WDFY3: variants seen among roughly 807,000 people sequenced by gnomAD.
WDFY3 encodes the protein WD repeat and FYVE domain containing 3.
In WDFY3, 66 loss-of-function variants were observed where a neutral mutation model predicts 409.6. The observed-to-expected ratio is 0.16, with a 90% CI of 0.13 to 0.20. The LOEUF (loss-of-function observed/expected upper bound fraction) is 0.20. WDFY3 is among the 10% of genes least tolerant of loss of function. The probability of loss-of-function intolerance (pLI) is 1.00; values close to 1 mark genes in which losing one functional copy is unlikely to be tolerated. For missense variants in WDFY3, 3,031 were observed against 4,298.1 expected (o/e 0.71, Z 8.24); for synonymous variants, 1,521 against 1,537.1 (o/e 0.99, Z 0.25).
intron 3 of WDFY3, among the ~76,000 whole-genome samples, chr4:84,882,219 G>A (rs935498110): frequency 1.3e-5 from 2 of 152,066 alleles, no homozygotes; most frequent in South Asian, 2.1e-4. Context: ...ATTCTAGTTT[G>A]GTCCCATTTG....
chr4:84,678,202 G>A lies in WDFY3; in HGVS notation c.10225C>T (p.His3409Tyr), dbSNP rs1295788480. The change falls in exon 66 of 68, where the codon CAC becomes TAC. Residue 3409 changes from histidine to tyrosine, a missense_variant. Physicochemically the swap from His to Tyr is moderately conservative, Grantham distance 83. Transcript: ENST00000295888. Reference protein sequence around the residue: ...HTAFDRKDNAHPAEVTALGIS... With the variant: ...HTAFDRKDNAYPAEVTALGIS... The stretch of plus-strand genomic sequence containing the variant: ...CCCAAGGCAGTGACCTCAGCTGGGT[G>A]TGCATTGTCCTTTCGATCAAAGGCT... 5.0e-6 allele frequency: 8 copies of A among 1,614,122 alleles called. No individual in the cohort carries two copies. The highest frequency in any genetic ancestry group is 6.8e-6 in the Non-Finnish European group (8 of 1,180,006).
chr4:84,778,436 T>C, intron 27 of WDFY3, 67 bp downstream of exon 27: 1 of 1,356,838 alleles, frequency 7.4e-7, no homozygotes, highest in Non-Finnish European at 9.7e-7. Flanking sequence ...ATAAAATAGT[T>C]TATAATCATA....
At chr4:84,884,868 C>T (rs1763983529) in intron 3 of WDFY3, among the ~76,000 whole-genome samples, 1 of 152,250 alleles carries the variant, frequency 6.6e-6, no homozygotes, top group Admixed American at 6.5e-5. Flanking sequence ...GAGAAACTAA[C>T]TCACTAATTT....
At chr4:84,708,011 T>G (rs1732265863) in intron 53 of WDFY3, among the ~76,000 whole-genome samples, 1 of 152,214 alleles carries the variant, frequency 6.6e-6, no homozygotes. Context: ...TTCACTGAAT[T>G]TCTGAATTTT....
chr4:84,873,664 GA>G (rs912715599), intron 3 of WDFY3, among the ~76,000 whole-genome samples: 49 of 152,032 alleles, frequency 3.2e-4, no homozygotes, highest in Non-Finnish European at 1.5e-4. Context: ...TATTGAAACT[GA>G]AAAAAACAGA....
chr4:84,813,477 G>A (rs1023064396), intron 13 of WDFY3, among the ~76,000 whole-genome samples: 2 of 152,044 alleles, frequency 1.3e-5, no homozygotes, highest in Non-Finnish European at 2.9e-5. Context: ...ATGCTTTTAC[G>A]TATCTGCATG....
chr4:84,764,517 A>C (rs753931115), intron 32 of WDFY3, among the ~76,000 whole-genome samples: 4 of 152,210 alleles, frequency 2.6e-5, no homozygotes, highest in African/African-American at 7.2e-5. Flanking sequence ...AAGTTTCTTC[A>C]GACCTTCTTC....
chr4:84,673,633 G>A (rs900001438), intron 67 of WDFY3, among the ~76,000 whole-genome samples: 1 of 152,090 alleles, frequency 6.6e-6, no homozygotes, highest in African/African-American at 2.4e-5. Flanking sequence ...TGCTAGAACT[G>A]TTTGAAGGAG....
intron 4 of WDFY3, among the ~76,000 whole-genome samples, chr4:84,851,665 A>ATCATTTGATCTTTGATGT (rs1759028937): frequency 1.3e-5 from 2 of 152,180 alleles, no homozygotes; most frequent in South Asian, 4.1e-4. Context: ...TCAAAGATAC[A>ATCATTTGATCTTTGATGT]GAAGAGAAAA....
At chr4:84,862,037 T>G (rs1053130473) in intron 3 of WDFY3, among the ~76,000 whole-genome samples, 2 of 152,228 alleles carry the variant, frequency 1.3e-5, no homozygotes, top group African/African-American at 4.8e-5. Context: ...AGTATGCCAT[T>G]TCTTAAGAAA....
At chr4:84,712,195 A>G (rs1307226329) in intron 51 of WDFY3, among the ~76,000 whole-genome samples, 5 of 151,614 alleles carry the variant, frequency 3.3e-5, no homozygotes, top group African/African-American at 9.7e-5. Context: ...ATGGTAGCAC[A>G]TGCTTGTAAT....
At chr4:84,904,945 G>C (rs1198483210) in intron 2 of WDFY3, among the ~76,000 whole-genome samples, 1 of 142,942 alleles carries the variant, frequency 7.0e-6, no homozygotes, top group East Asian at 2.1e-4. Flanking sequence ...TCGCACATTG[G>C]TGGTAGTGGT....
At chr4:84,733,261 G>T in intron 44 of WDFY3, 121 bp downstream of exon 44, 1 of 1,071,370 alleles carries the variant, frequency 9.3e-7, no homozygotes, top group Non-Finnish European at 1.4e-6. Context: ...CAATTTAATA[G>T]CGTATGTTGA....
At chr4:84,673,017 T>C (rs370066633) in intron 67 of WDFY3, 26 bp from the exon 68 acceptor site, 2 of 1,613,168 alleles carry the variant, frequency 1.2e-6, no homozygotes, top group Non-Finnish European at 1.7e-6. Flanking sequence ...AGTCAATTAA[T>C]TATAGGTCTT....
intron 16 of WDFY3, among the ~76,000 whole-genome samples, chr4:84,802,163 G>T (rs926901406): frequency 4.0e-5 from 6 of 151,822 alleles, no homozygotes; most frequent in Admixed American, 1.3e-4. Context: ...GGCTAGGCTG[G>T]TCTCAAACTC....
chr4:84,746,820 A>G (rs942078660), intron 36 of WDFY3, among the ~76,000 whole-genome samples: 1 of 147,100 alleles, frequency 6.8e-6, no homozygotes, highest in Non-Finnish European at 1.5e-5. Flanking sequence ...CTTGAAATAG[A>G]TACTAACATC....
intron 50 of WDFY3, 135 bp downstream of exon 50, chr4:84,715,163 A>C (rs1248440608): frequency 3.7e-6 from 2 of 538,390 alleles, no homozygotes; most frequent in Non-Finnish European, 6.6e-6. Context: ...GAGGGTGGCA[A>C]AAATAATATA....
chr4:84,799,011 C>A (rs1216616327), intron 17 of WDFY3, among the ~76,000 whole-genome samples: 1 of 152,212 alleles, frequency 6.6e-6, no homozygotes, highest in African/African-American at 2.4e-5. Flanking sequence ...TTAAGACATA[C>A]ATAAAACTTC....
intron 10 of WDFY3, 110 bp downstream of exon 10, chr4:84,826,705 A>G: frequency 9.0e-7 from 1 of 1,114,912 alleles, no homozygotes; most frequent in African/African-American, 1.6e-5. Flanking sequence ...AAGGGAAACT[A>G]TATTACTTTT....
Sources: allele counts gnomAD v4.1 joint callset (sites outside exome capture counted in the v4.1 genomes callset), GRCh38; gene constraint gnomAD v4.1.1; transcripts MANE v1.5; gene names NCBI Gene and HGNC (gene_info 2026-07-23, HGNC 2026-07-21).